The following SDCCAG8 variants were observed in gnomAD, a reference collection of about 807,000 sequenced individuals.
SDCCAG8 encodes SHH signaling and ciliogenesis regulator SDCCAG8, also known as serologically defined colon cancer antigen 8.
SDCCAG8 carries 74 observed loss-of-function variants against 101.8 expected under a neutral mutation model. The ratio of observed to expected loss-of-function variants is 0.73; its 90% CI spans 0.60 to 0.88. The LOEUF (loss-of-function observed/expected upper bound fraction) is 0.88, where lower values mean the gene tolerates loss of function less well. Ranked by LOEUF, SDCCAG8 falls within the 40% of genes least tolerant of loss-of-function variation. The probability of loss-of-function intolerance (pLI) is 0.00; values close to 1 mark genes in which losing one functional copy is unlikely to be tolerated. For synonymous variants in SDCCAG8, 281 were observed against 292.9 expected (o/e 0.96, Z 0.41); for missense variants, 787 against 822.6 (o/e 0.96, Z 0.53).
At chr1:243,464,519 TA>T (rs948206427) in intron 16 of SDCCAG8, among the ~76,000 whole-genome samples, 3 of 152,170 alleles carry the variant, frequency 2.0e-5, no homozygotes, top group Middle Eastern at 3.4e-3. Context: ...AAGGAATTGC[TA>T]AAAAAAATCA....
chr1:243,378,658 C>T (rs911698038), intron 12 of SDCCAG8, 63 bp from the exon 13 acceptor site: 1 of 1,541,074 alleles, frequency 6.5e-7, no homozygotes, highest in Non-Finnish European at 8.9e-7. Context: ...TAAAAATGAG[C>T]TAATTTTGAA....
intron 16 of SDCCAG8, among the ~76,000 whole-genome samples, chr1:243,482,899 T>C (rs1312580672): frequency 6.6e-6 from 1 of 152,162 alleles, no homozygotes; most frequent in Non-Finnish European, 1.5e-5. Context: ...CGGACGATTC[T>C]GTGTTTCCTG....
intron 13 of SDCCAG8, among the ~76,000 whole-genome samples, chr1:243,383,110 G>A (rs2078058870): frequency 6.6e-6 from 1 of 152,134 alleles, no homozygotes; most frequent in Non-Finnish European, 1.5e-5. Context: ...AAAGGATCAT[G>A]TTTTAAAGAA....
chr1:243,430,934 C>G (rs1046263654), intron 16 of SDCCAG8, among the ~76,000 whole-genome samples: 2 of 152,064 alleles, frequency 1.3e-5, no homozygotes, highest in Admixed American at 1.3e-4. Flanking sequence ...CGTGGTGGCT[C>G]ACGCCTGTAA....
At chr1:243,282,453 G>C (rs1472009375) in intron 4 of SDCCAG8, among the ~76,000 whole-genome samples, 1 of 152,074 alleles carries the variant, frequency 6.6e-6, no homozygotes, top group African/African-American at 2.4e-5. Context: ...AGTGTCATCT[G>C]TCAAATTAAT....
At chr1:243,257,555 T>C (rs895928861) in intron 1 of SDCCAG8, among the ~76,000 whole-genome samples, 65 of 152,218 alleles carry the variant, frequency 4.3e-4, no homozygotes, top group African/African-American at 1.6e-3. Context: ...TCATTAAATG[T>C]TAATTGTTAT....
At chr1:243,467,489 C>T (rs1373258734) in intron 16 of SDCCAG8, among the ~76,000 whole-genome samples, 1 of 152,220 alleles carries the variant, frequency 6.6e-6, no homozygotes. Flanking sequence ...AAGAGAAGCC[C>T]AGTGGCTTTA....
At chr1:243,316,010 G>C (rs915363359) in intron 8 of SDCCAG8, among the ~76,000 whole-genome samples, 3 of 152,178 alleles carry the variant, frequency 2.0e-5, no homozygotes, top group Admixed American at 2.0e-4. Flanking sequence ...TAATCAATGA[G>C]ATTGTATCCT....
Position 243,330,664 on chromosome 1 carries a change from C to A in SDCCAG8, c.1193C>A (p.Thr398Lys). 3 of 1,613,922 alleles carry A rather than the reference C, an allele frequency of 1.9e-6. No individual in the cohort carries two copies. The highest frequency in any genetic ancestry group is 2.5e-6 in the Non-Finnish European group (3 of 1,179,932). The change falls in exon 10 of 18, where the codon ACG becomes AAG. Residue 398 changes from threonine (T) to lysine (K), a missense_variant. Physicochemically the swap from Thr to Lys is moderately conservative, Grantham distance 78 (BLOSUM62 -1). Coordinates refer to ENST00000366541, the MANE Select transcript of SDCCAG8 (RefSeq NM_006642.5). ...IEKDMMKKEI[T>K]KEREYMGSKM... is the part of the protein sequence containing the mutation. ...AAAGACATGATGAAAAAGGAAATAA[C>A]GAAAGAAAGGGAGTACATGGGATCA... is the stretch of plus-strand genomic sequence containing the variant.
rs918846129 is a variant in SDCCAG8, at chr1:243,380,682, CT to C, written c.1616+1830del. Reference sequence around the variant, plus strand: ...CGGTTTTGCTTGGTTCCATAGAAAGCTTTTTTTTTTTGTTGAGCTTTATTTA... The same window carrying C: ...CGGTTTTGCTTGGTTCCATAGAAAGCTTTTTTTTTTGTTGAGCTTTATTTA... On this transcript the variant is annotated intron_variant, in intron 13 of 17. Coordinates refer to ENST00000366541, the MANE Select transcript of SDCCAG8 (RefSeq NM_006642.5). 1.1e-3 allele frequency among the ~76,000 whole-genome samples: 163 copies of C among 142,760 alleles called. 1 individual carries two copies. Among genetic ancestry groups the C allele is most frequent in the Admixed American group, 1.1e-3 (16 of 14,314 alleles). The allele number at this position is 142,760 out of a possible 152,430, so 93.7% of individuals were successfully genotyped here. A position where few individuals can be genotyped will look rare whatever the true frequency, so the allele number is the denominator to read the frequency against.
chr1:243,475,141 G>C (rs1446201510), intron 16 of SDCCAG8, among the ~76,000 whole-genome samples: 2 of 152,154 alleles, frequency 1.3e-5, no homozygotes, highest in Non-Finnish European at 2.9e-5. Flanking sequence ...ACACGCACAG[G>C]CCCTGAGCCC....
intron 16 of SDCCAG8, among the ~76,000 whole-genome samples, chr1:243,456,805 T>G (rs2083792288): frequency 6.6e-6 from 1 of 152,350 alleles, no homozygotes; most frequent in Non-Finnish European, 1.5e-5. Context: ...ATATTTAACT[T>G]TCTATTGTAG....
At chr1:243,495,162 G>A (rs1461427611) in intron 17 of SDCCAG8, among the ~76,000 whole-genome samples, 3 of 152,204 alleles carry the variant, frequency 2.0e-5, no homozygotes, top group African/African-American at 4.8e-5. Context: ...GCTTGGGTGC[G>A]CCCTGGGGAG....
rs1224509093 is a variant in SDCCAG8 at position 243,426,532 on chromosome 1, G to A, written c.1959G>A (p.Gly653=). 1.9e-6 allele frequency: 3 copies of A among 1,614,014 alleles called. No individual in the cohort carries two copies. The highest frequency in any genetic ancestry group is 1.1e-5 in the South Asian group (1 of 91,076). Residue 653 remains glycine (G), a synonymous_variant, in exon 16 of 18, where the codon GGG becomes GGA. Coordinates refer to ENST00000366541, the MANE Select transcript of SDCCAG8 (RefSeq NM_006642.5). ...TGGAGGAACAGTGTGTCCAGCATGGGAGAGTACATGAGACGATGAAGCAAA... is the reference window on the plus strand; with the variant it reads ...TGGAGGAACAGTGTGTCCAGCATGGAAGAGTACATGAGACGATGAAGCAAA... ...EELEEQCVQH[G]RVHETMKQRL...
At chr1:243,471,570 T>G (rs1321250489) in intron 16 of SDCCAG8, among the ~76,000 whole-genome samples, 1 of 152,024 alleles carries the variant, frequency 6.6e-6, no homozygotes, top group African/African-American at 2.4e-5. Context: ...TCGTGCCTCT[T>G]GACAAAGGCC....
At chr1:243,440,130 G>A (rs1204483314) in intron 16 of SDCCAG8, among the ~76,000 whole-genome samples, 2 of 152,148 alleles carry the variant, frequency 1.3e-5, no homozygotes, top group Non-Finnish European at 2.9e-5. Flanking sequence ...CTTCACCCCT[G>A]GGTGAGTCAG....
chr1:243,384,512 A>G (rs2078152383), intron 13 of SDCCAG8, among the ~76,000 whole-genome samples: 1 of 152,174 alleles, frequency 6.6e-6, no homozygotes, highest in African/African-American at 2.4e-5. Flanking sequence ...GAATCAAATG[A>G]TAATCATTCT....
rs148025750 is a variant in SDCCAG8 at position 243,334,451 on chromosome 1, C to T, written c.1221+3759C>T. Among the ~76,000 whole-genome samples, 252 of 152,330 alleles carry T rather than the reference C, an allele frequency of 1.7e-3. 2 individuals carry two copies. Among genetic ancestry groups the T allele is most frequent in the Non-Finnish European group, 1.7e-3 (117 of 68,022 alleles). On this transcript the variant is annotated intron_variant, in intron 10 of 17. Transcript: ENST00000366541. ...TTCTTTGCACCCTCACCACACTGAC[C>T]TACTTGTGCTTCCCCAAGCATGTAC...
At chr1:243,389,312 T>C (rs144862285) in intron 13 of SDCCAG8, among the ~76,000 whole-genome samples, 1 of 152,308 alleles carries the variant, frequency 6.6e-6, no homozygotes, top group East Asian at 1.9e-4. Flanking sequence ...CAAAGAGGCA[T>C]CATCAGTTCT....
Sources: allele counts gnomAD v4.1 joint callset (sites outside exome capture counted in the v4.1 genomes callset), GRCh38; gene constraint gnomAD v4.1.1; transcripts MANE v1.5; gene names NCBI Gene and HGNC (gene_info 2026-07-23, HGNC 2026-07-21).